The following WWOX variants were observed in gnomAD, a reference collection of about 807,000 sequenced individuals.
The protein encoded by WWOX is WW domain containing oxidoreductase, also known as WW domain-containing oxidoreductase.
In WWOX, 69 loss-of-function variants were observed where a neutral mutation model predicts 46.2. The observed-to-expected ratio is 1.49, with a 90% CI of 1.23 to 1.82. WWOX has a LOEUF of 1.82. WWOX is among the 40% of genes most tolerant of loss of function. WWOX has a pLI of 0.00. For missense variants in WWOX, 919 were observed against 542.6 expected (o/e 1.69, Z -6.89); for synonymous variants, 359 against 202.6 (o/e 1.77, Z -6.56).
chr16:78,289,917 C>T (rs998475931), intron 5 of WWOX, among the ~76,000 whole-genome samples: 45 of 152,192 alleles, frequency 3.0e-4, no homozygotes, highest in Non-Finnish European at 6.2e-4. Context: ...TTTTAGTAGC[C>T]ACTTAAAAAA....
In WWOX at chr16:78,899,626, A is replaced by G. The variant is rs372646574; in HGVS notation, c.1057-311982A>G. 2.0e-5 allele frequency: 3 copies of G among 152,322 alleles called. No homozygotes were observed. The East Asian group carries it at 5.8e-4, about 29-fold the overall frequency. The allele number at this position is 152,322 out of a possible 1,614,324, so 9.4% of individuals were successfully genotyped here. On this transcript the variant is annotated intron_variant, in intron 8 of 8. Coordinates refer to ENST00000566780, the MANE Select transcript of WWOX (RefSeq NM_016373.4). ...GCCACATCCGCCATTGTCAATTTTAAATAAAAGATATGATGACTAGTTGGT... is the reference window on the plus strand; with the variant it reads ...GCCACATCCGCCATTGTCAATTTTAGATAAAAGATATGATGACTAGTTGGT...
chr16:79,023,383 C>CTCAT (rs1199853941), intron 8 of WWOX, among the ~76,000 whole-genome samples: 2 of 152,068 alleles, frequency 1.3e-5, no homozygotes, highest in African/African-American at 4.8e-5. Context: ...TGCCTAATTC[C>CTCAT]CTTGAGTGAT....
chr16:78,714,243 AAG>A (rs771723255), intron 8 of WWOX, among the ~76,000 whole-genome samples: 1 of 152,190 alleles, frequency 6.6e-6, no homozygotes. Context: ...TTGTAAAAGA[AAG>A]AAGTTTAACG....
At chr16:78,702,124 T>TATATATATG (rs777394763) in intron 8 of WWOX, among the ~76,000 whole-genome samples, 1 of 105,550 alleles carries the variant, frequency 9.5e-6, no homozygotes, top group South Asian at 2.9e-4. Flanking sequence ...ATATATATAT[T>TATATATATG]TATTTATTTT....
intron 8 of WWOX, among the ~76,000 whole-genome samples, chr16:78,508,926 T>C (rs1284072025): frequency 6.6e-6 from 1 of 152,258 alleles, no homozygotes; most frequent in Non-Finnish European, 1.5e-5. Context: ...ATCTGCATCA[T>C]GTATTGGCTG....
chr16:78,483,065 A>G (rs1427698716), intron 8 of WWOX, among the ~76,000 whole-genome samples: 1 of 152,052 alleles, frequency 6.6e-6, no homozygotes, highest in Non-Finnish European at 1.5e-5. Context: ...TCTTCAACCT[A>G]CCTTTTGTTG....
At chr16:78,201,263 G>T (rs184961806) in intron 5 of WWOX, among the ~76,000 whole-genome samples, 1 of 152,148 alleles carries the variant, frequency 6.6e-6, no homozygotes, top group African/African-American at 2.4e-5. Context: ...TATTTTTTGA[G>T]AAGACAAATT....
chr16:78,615,614 C>G (rs1197478717), intron 8 of WWOX, among the ~76,000 whole-genome samples: 4 of 151,912 alleles, frequency 2.6e-5, no homozygotes, highest in African/African-American at 7.3e-5. Flanking sequence ...TATGTTCGCA[C>G]CACTGTATTC....
chr16:78,184,357 G>A (rs1463576247), intron 5 of WWOX, among the ~76,000 whole-genome samples: 2 of 152,110 alleles, frequency 1.3e-5, no homozygotes, highest in Non-Finnish European at 2.9e-5. Context: ...TTCTCATGAT[G>A]CCAGAGAAAA....
At chr16:78,332,902 G>A (rs1397438659) in intron 5 of WWOX, among the ~76,000 whole-genome samples, 1 of 152,042 alleles carries the variant, frequency 6.6e-6, no homozygotes, top group Non-Finnish European at 1.5e-5. Context: ...AAACTAAGAT[G>A]TTTCCGTTGC....
chr16:79,188,071 G>A (rs1399529375), intron 8 of WWOX, among the ~76,000 whole-genome samples: 1 of 152,160 alleles, frequency 6.6e-6, no homozygotes, highest in Non-Finnish European at 1.5e-5. Flanking sequence ...TCTTCCCTGA[G>A]GTTGCTAATT....
intron 5 of WWOX, among the ~76,000 whole-genome samples, chr16:78,321,098 G>C (rs2151883522): frequency 6.6e-6 from 1 of 152,118 alleles, no homozygotes. Flanking sequence ...GAACACCAGA[G>C]TGTCTTTTAA....
intron 8 of WWOX, among the ~76,000 whole-genome samples, chr16:79,051,918 G>A (rs1299006339): frequency 7.2e-5 from 11 of 152,174 alleles, no homozygotes; most frequent in Non-Finnish European, 1.6e-4. Flanking sequence ...CAAGCATTAG[G>A]TCATAGCCTG....
At chr16:78,630,495 A>T (rs2046402473) in intron 8 of WWOX, among the ~76,000 whole-genome samples, 1 of 152,170 alleles carries the variant, frequency 6.6e-6, no homozygotes, top group Non-Finnish European at 1.5e-5. Context: ...AACTGTGGAC[A>T]CTGAGTCCCT....
At chr16:78,194,054 A>G (rs1240665893) in intron 5 of WWOX, among the ~76,000 whole-genome samples, 2 of 146,548 alleles carry the variant, frequency 1.4e-5, no homozygotes, top group Non-Finnish European at 3.0e-5. Context: ...ATTTTTTTGT[A>G]TTTTTGGTAG....
chr16:78,975,350 G>A (rs1017109314), intron 8 of WWOX, among the ~76,000 whole-genome samples: 1 of 152,062 alleles, frequency 6.6e-6, no homozygotes, highest in Middle Eastern at 3.2e-3. Flanking sequence ...CGGGGATAGT[G>A]GTTAACATCC....
chr16:78,770,704 A>G (rs1272056401), intron 8 of WWOX, among the ~76,000 whole-genome samples: 2 of 114,244 alleles, frequency 1.8e-5, no homozygotes, highest in Non-Finnish European at 3.3e-5. Context: ...AGATGCCCCT[A>G]TGGGAGCTTC....
intron 5 of WWOX, among the ~76,000 whole-genome samples, chr16:78,385,899 C>G (rs528675011): frequency 1.3e-5 from 2 of 152,264 alleles, no homozygotes; most frequent in East Asian, 3.9e-4. Flanking sequence ...TCTCGCACTC[C>G]GAAGCGCACC....
intron 8 of WWOX, among the ~76,000 whole-genome samples, chr16:78,969,220 A>C (rs892153110): frequency 2.0e-5 from 3 of 151,388 alleles, no homozygotes; most frequent in Non-Finnish European, 2.9e-5. Context: ...CAGGGGACAA[A>C]GTCAAGAAAA....
Sources: allele counts gnomAD v4.1 joint callset (sites outside exome capture counted in the v4.1 genomes callset), GRCh38; gene constraint gnomAD v4.1.1; transcripts MANE v1.5; gene names NCBI Gene and HGNC (gene_info 2026-07-23, HGNC 2026-07-21).